The following TMEM120B variants were observed in gnomAD, a reference collection of about 807,000 sequenced individuals.
TMEM120B encodes the protein transmembrane protein 120B.
Under a neutral mutation model 55.5 loss-of-function variants are expected in TMEM120B, and 31 were observed. That is an observed-to-expected ratio of 0.56 (90% CI 0.42 to 0.75). The LOEUF (loss-of-function observed/expected upper bound fraction) is 0.75. Among genes scored for constraint, TMEM120B ranks in the 30% least tolerant of loss-of-function variants. TMEM120B has a pLI of 0.00. For synonymous variants in TMEM120B, 203 were observed against 176.3 expected, an observed-to-expected ratio of 1.15 and a Z score of -1.20; for missense variants, 399 against 425.5, an observed-to-expected ratio of 0.94 and a Z score of 0.55.
chr12:121,746,221 C>G (rs1873078679), intron 2 of TMEM120B, among the ~76,000 whole-genome samples: 1 of 142,922 alleles, frequency 7.0e-6, no homozygotes, highest in Admixed American at 7.0e-5. Context: ...GAGTTTCGCT[C>G]TTGTTGCCCA....
At chr12:121,761,792 C>A in intron 6 of TMEM120B, 54 bp downstream of exon 6, 1 of 1,449,730 alleles carries the variant, frequency 6.9e-7, no homozygotes, top group Non-Finnish European at 9.7e-7. Flanking sequence ...AGGGAAATGT[C>A]ACGAGGGGCG....
chr12:121,717,978 A>G (rs2136962291), intron 1 of TMEM120B, among the ~76,000 whole-genome samples: 1 of 152,304 alleles, frequency 6.6e-6, no homozygotes, highest in East Asian at 1.9e-4. Flanking sequence ...TTAGTAGCAG[A>G]TTGTGCAGAA....
intron 5 of TMEM120B, among the ~76,000 whole-genome samples, chr12:121,757,751 C>T (rs1033997823): frequency 7.2e-5 from 11 of 152,114 alleles, no homozygotes; most frequent in Admixed American, 3.3e-4. Flanking sequence ...CTCCTGACCT[C>T]GTGATCCACC....
chr12:121,758,235 A>G (rs1873541222), intron 5 of TMEM120B: 1 of 985,336 alleles, frequency 1.0e-6, no homozygotes, highest in Admixed American at 6.1e-5. Context: ...GGATGCTCAC[A>G]TGGTGGGTCG....
intron 6 of TMEM120B, among the ~76,000 whole-genome samples, chr12:121,763,320 A>G (rs1401674068): frequency 6.7e-6 from 1 of 150,260 alleles, no homozygotes; most frequent in Non-Finnish European, 1.5e-5. Context: ...CCGCCACCAC[A>G]CCCGGCTAAT....
At chr12:121,758,355 C>G in intron 5 of TMEM120B, 1 of 985,512 alleles carries the variant, frequency 1.0e-6, no homozygotes, top group South Asian at 4.7e-5. Context: ...CTCCACAGCC[C>G]GGGTCTGTCG....
At chr12:121,751,088 C>T (rs1450413158) in intron 4 of TMEM120B, among the ~76,000 whole-genome samples, 3 of 136,622 alleles carry the variant, frequency 2.2e-5, no homozygotes, top group Admixed American at 7.3e-5. Flanking sequence ...ACACCCCACA[C>T]CTACACCCCA....
intron 1 of TMEM120B, among the ~76,000 whole-genome samples, chr12:121,714,005 G>T (rs971900393): frequency 2.6e-5 from 4 of 152,122 alleles, no homozygotes; most frequent in African/African-American, 9.7e-5. Flanking sequence ...GTTGCCAAGG[G>T]TGTCTCTGAT....
intron 1 of TMEM120B, among the ~76,000 whole-genome samples, chr12:121,723,463 C>T (rs937448256): frequency 1.3e-5 from 2 of 152,158 alleles, no homozygotes; most frequent in South Asian, 4.1e-4. Flanking sequence ...GAGGAGTCAC[C>T]AGAGCTTGGC....
chr12:121,772,073 CTT>C (rs1874075930), intron 8 of TMEM120B, among the ~76,000 whole-genome samples: 2 of 142,334 alleles, frequency 1.4e-5, no homozygotes, highest in Admixed American at 7.0e-5. Flanking sequence ...CTTTCTTTTT[CTT>C]TCTTTCTCTT....
intron 1 of TMEM120B, among the ~76,000 whole-genome samples, chr12:121,737,465 A>G (rs1872781090): frequency 6.6e-6 from 1 of 151,912 alleles, no homozygotes; most frequent in African/African-American, 2.4e-5. Flanking sequence ...AGATTGTGCC[A>G]CTGCACTCCA....
Position 121,778,585 on chromosome 12 carries a change from A to AG in TMEM120B, c.*2868dup, listed in dbSNP as rs775248318. 6.6e-6 allele frequency: 1 copy of AG among 151,500 alleles called. No homozygotes were observed. The highest frequency in any genetic ancestry group is 1.5e-5 in the Non-Finnish European group (1 of 67,870). 9.4% of individuals were successfully genotyped at this position (151,500 alleles called of 1,614,324 possible). On this transcript the variant is annotated 3_prime_UTR_variant, in exon 12 of 12. Coordinates refer to ENST00000449592, the MANE Select transcript of TMEM120B (RefSeq NM_001080825.2). Reference sequence around the variant, plus strand: ...TTCTGAGAAACTGTCCCGCGTGGACAGGGGGTAGATCCCATCAGTTCTCAA... The same window carrying AG: ...TTCTGAGAAACTGTCCCGCGTGGACAGGGGGGTAGATCCCATCAGTTCTCAA...
intron 6 of TMEM120B, among the ~76,000 whole-genome samples, chr12:121,765,103 GT>G (rs1177635693): frequency 6.7e-6 from 1 of 149,428 alleles, no homozygotes; most frequent in Non-Finnish European, 1.5e-5. Context: ...ACCCACAGAG[GT>G]TTTTTTCTTT....
intron 1 of TMEM120B, among the ~76,000 whole-genome samples, chr12:121,736,434 C>T (rs1895117116): frequency 6.6e-6 from 1 of 151,260 alleles, no homozygotes; most frequent in South Asian, 2.1e-4. Context: ...TCCCAAAGTG[C>T]TGGGATTACA....
chr12:121,747,144 G>A (rs906946086), intron 2 of TMEM120B, among the ~76,000 whole-genome samples: 2 of 152,156 alleles, frequency 1.3e-5, no homozygotes, highest in African/African-American at 2.4e-5. Context: ...TGGAAAATAA[G>A]GCAGAGAGGT....
intron 6 of TMEM120B, among the ~76,000 whole-genome samples, chr12:121,762,183 G>T (rs1873700615): frequency 1.3e-5 from 2 of 150,962 alleles, no homozygotes; most frequent in Admixed American, 6.6e-5. Context: ...GGCTGAGGCA[G>T]AATAGCGTGA....
chr12:121,752,200 A>G lies in TMEM120B; in HGVS notation c.438A>G (p.Ala146=), dbSNP rs2137216551. ...TCATCCTGCTCCTGGGTGCCGTGGC[A>G]TGTCGATTTGTCCTTCACTACAGGT... ...LTIILLLGAV[A]CRFVLHYRVT... Residue 146 remains alanine, a synonymous_variant, in exon 5 of 12, where the codon GCA becomes GCG. Transcript: ENST00000449592. 2 of 1,613,626 alleles carry G rather than the reference A, an allele frequency of 1.2e-6. No individual in the cohort carries two copies. The highest frequency in any genetic ancestry group is 2.2e-5 in the East Asian group (1 of 44,884).
rs766832706 is a variant in TMEM120B at position 121,780,206 on chromosome 12, C to T, written c.*4484C>T. The T allele has an allele frequency of 9.3e-4, 145 of 155,598 alleles. No homozygotes were observed. The highest frequency in any genetic ancestry group is 1.5e-3 in the Non-Finnish European group (106 of 69,838). The allele number at this position is 155,598 out of a possible 1,614,324, so 9.6% of individuals were successfully genotyped here. A position where few individuals can be genotyped will look rare whatever the true frequency, so the allele number is the denominator to read the frequency against. On this transcript the variant is annotated 3_prime_UTR_variant, in exon 12 of 12. Transcript: ENST00000449592. ...CCGAGTAGCTGGGATTACAGGCATG[C>T]GCCACCATGCCCGGCTAATGTTGTA...
At chr12:121,718,960 G>A (rs1054443497) in intron 1 of TMEM120B, among the ~76,000 whole-genome samples, 3 of 152,130 alleles carry the variant, frequency 2.0e-5, no homozygotes, top group Admixed American at 1.3e-4. Context: ...TGGCAAAGAT[G>A]GCCAGGTGGC....
Sources: allele counts gnomAD v4.1 joint callset (sites outside exome capture counted in the v4.1 genomes callset), GRCh38; gene constraint gnomAD v4.1.1; transcripts MANE v1.5; gene names NCBI Gene and HGNC (gene_info 2026-07-23, HGNC 2026-07-21).